The following TUBGCP3 variants were observed in gnomAD, a reference collection of about 807,000 sequenced individuals.
TUBGCP3 encodes gamma-tubulin complex component 3.
A neutral mutation model predicts 123.1 loss-of-function variants in TUBGCP3; 50 were observed. The ratio of observed to expected loss-of-function variants is 0.41; its 90% CI spans 0.32 to 0.51. The LOEUF is 0.51. Ranked by LOEUF, TUBGCP3 falls within the 20% of genes least tolerant of loss-of-function variation. The pLI, the probability that TUBGCP3 is intolerant of heterozygous loss-of-function variation, is 0.36. For missense variants in TUBGCP3, 882 were observed against 1,127.0 expected (o/e 0.78, Z 3.11); for synonymous variants, 405 against 413.9 (o/e 0.98, Z 0.26).
chr13:112,537,132 T>A (rs1878123459), intron 11 of TUBGCP3, among the ~76,000 whole-genome samples: 1 of 143,984 alleles, frequency 6.9e-6, no homozygotes, highest in South Asian at 2.1e-4. Context: ...TTTTCCTTTT[T>A]TTTTTTTTTT....
chr13:112,556,317 T>G (rs868193296), intron 5 of TUBGCP3, 93 bp from the exon 6 acceptor site: 14 of 1,189,542 alleles, frequency 1.2e-5, no homozygotes, highest in Admixed American at 2.3e-5. Flanking sequence ...CTATCGTGAA[T>G]TACATAAATT....
intron 11 of TUBGCP3, among the ~76,000 whole-genome samples, chr13:112,538,724 C>G (rs1878266346): frequency 6.6e-6 from 1 of 151,892 alleles, no homozygotes; most frequent in African/African-American, 2.4e-5. Flanking sequence ...CAATAAATTA[C>G]TATGAGATGA....
chr13:112,598,739 T>C, the TUBGCP3 span, among the ~76,000 whole-genome samples: 1 of 152,090 alleles, frequency 6.6e-6, no homozygotes, highest in Non-Finnish European at 1.5e-5. Flanking sequence ...GGTCAGGAGA[T>C]GGAGACCATC....
intron 19 of TUBGCP3, among the ~76,000 whole-genome samples, chr13:112,502,318 G>A (rs746466983): frequency 3.3e-5 from 5 of 152,202 alleles, no homozygotes; most frequent in Non-Finnish European, 7.3e-5. Flanking sequence ...ACTGCACCGT[G>A]AGACAGGCCG....
At chr13:112,542,203 A>G (rs1878577131) in intron 11 of TUBGCP3, among the ~76,000 whole-genome samples, 1 of 152,252 alleles carries the variant, frequency 6.6e-6, no homozygotes, top group Non-Finnish European at 1.5e-5. Flanking sequence ...CCACAAGATC[A>G]CTTAGACTCC....
At chr13:112,574,215 C>T (rs1381892032) in intron 1 of TUBGCP3, among the ~76,000 whole-genome samples, 1 of 143,050 alleles carries the variant, frequency 7.0e-6, no homozygotes, top group East Asian at 2.1e-4. Flanking sequence ...AGTGTGGCTT[C>T]CCCCTGCCCA....
chr13:112,558,998 G>T (rs1374297260), intron 4 of TUBGCP3, among the ~76,000 whole-genome samples: 1 of 152,100 alleles, frequency 6.6e-6, no homozygotes, highest in Non-Finnish European at 1.5e-5. Flanking sequence ...AACTCCTAAA[G>T]GGTCTTCTAG....
rs565376504 is a variant in TUBGCP3, at chr13:112,489,872, T to C, written c.2449-175A>G. The stretch of plus-strand genomic sequence containing the variant: ...CCAGACTGCTCTCCAGCTTACTTTT[T>C]CCAGTTAACAATGTGTGTTGAAAAT... On this transcript the variant is annotated intron_variant, in intron 20 of 21. Coordinates refer to ENST00000261965, the MANE Select transcript of TUBGCP3 (RefSeq NM_006322.6). 1.8e-4 allele frequency: 107 copies of C among 586,720 alleles called. 3 individuals are homozygous for C. The South Asian group carries it at 2.4e-3, about 13-fold the overall frequency. The allele number at this position is 586,720 out of a possible 1,614,324, so 36.3% of individuals were successfully genotyped here.
intron 3 of TUBGCP3, 68 bp from the exon 4 acceptor site, chr13:112,559,467 C>T: frequency 7.9e-7 from 1 of 1,258,852 alleles, no homozygotes; most frequent in Non-Finnish European, 1.1e-6. Context: ...TTTCCTCTTT[C>T]CTGAACTATA....
At position 112,524,431 on chromosome 13, in the gene TUBGCP3, G is replaced by C. The variant is rs748498517; in HGVS notation, c.1556-1922C>G. 2.0e-5 allele frequency among the ~76,000 whole-genome samples: 3 copies of C among 152,200 alleles called. No homozygotes were observed. Among genetic ancestry groups the C allele is most frequent in the Non-Finnish European group, 4.4e-5 (3 of 68,044 alleles). On this transcript the variant is annotated intron_variant, in intron 13 of 21. Coordinates refer to ENST00000261965, the MANE Select transcript of TUBGCP3 (RefSeq NM_006322.6). The surrounding 1 kb of genome is among the most constrained non-coding windows in gnomAD (Gnocchi z 4.4). ...ATGGAGAGCCTCCGGCACAGCAGGC[G>C]CATGGGGACGCCCTGTCCCAGGCAC... is the stretch of plus-strand genomic sequence containing the variant.
intron 20 of TUBGCP3, among the ~76,000 whole-genome samples, chr13:112,496,247 A>G (rs909967122): frequency 2.6e-5 from 4 of 152,240 alleles, no homozygotes; most frequent in African/African-American, 4.8e-5. Context: ...TGATATTTAT[A>G]GCGTGTGAGA....
chr13:112,544,200 TC>T (rs1190207796), intron 11 of TUBGCP3, among the ~76,000 whole-genome samples: 2 of 151,904 alleles, frequency 1.3e-5, no homozygotes, highest in African/African-American at 2.4e-5. Flanking sequence ...ACGCCTGTAA[TC>T]CCAGCACTTT....
chr13:112,549,551 T>C (rs117676968), intron 8 of TUBGCP3, among the ~76,000 whole-genome samples: 3,654 of 152,238 alleles, frequency 0.024, 61 homozygotes, highest in Non-Finnish European at 0.038. Flanking sequence ...AGGGTTAAAA[T>C]GTAATTTTCT....
intron 7 of TUBGCP3, 93 bp downstream of exon 7, chr13:112,554,794 C>T (rs1004046686): frequency 2.0e-5 from 17 of 855,540 alleles, no homozygotes; most frequent in Middle Eastern, 6.8e-4. Context: ...CGCAAAACCC[C>T]AGTACCACCT....
rs904979272 is a variant in TUBGCP3 at position 112,508,848 on chromosome 13, C to T, written c.2087-4134G>A. 4.6e-5 allele frequency among the ~76,000 whole-genome samples: 7 copies of T among 152,168 alleles called. No individual in the cohort carries two copies. The highest frequency in any genetic ancestry group is 1.9e-4 in the East Asian group (1 of 5,188). On this transcript the variant is annotated intron_variant, in intron 17 of 21. Transcript: ENST00000261965. This position sits in a 1 kb window ranked among gnomAD's most constrained non-coding sequence, Gnocchi z 4.2. ...CCTCCTGGCCTCCGTACACGCATCA[C>T]CTGGTCCTGCTGGCGCCACAGCCCA...
intron 17 of TUBGCP3, among the ~76,000 whole-genome samples, chr13:112,515,156 TAAGAG>T (rs976543658): frequency 2.5e-4 from 38 of 152,192 alleles, no homozygotes; most frequent in African/African-American, 7.7e-4. Flanking sequence ...TTCAATACAA[TAAGAG>T]AAGAGCAAAT....
intron 11 of TUBGCP3, among the ~76,000 whole-genome samples, chr13:112,537,171 A>T: frequency 7.7e-6 from 1 of 130,512 alleles, no homozygotes; most frequent in Non-Finnish European, 1.6e-5. Flanking sequence ...AACCTTGACT[A>T]ATTATCCTGG....
intron 9 of TUBGCP3, among the ~76,000 whole-genome samples, 158 bp from the exon 10 acceptor site, chr13:112,547,910 C>T (rs1034041993): frequency 7.9e-5 from 12 of 152,002 alleles, no homozygotes; most frequent in Admixed American, 5.2e-4. Flanking sequence ...TACCTTTAAC[C>T]GGTAGAACCC....
At chr13:112,551,886 G>A (rs566372598) in intron 8 of TUBGCP3, among the ~76,000 whole-genome samples, 1 of 152,284 alleles carries the variant, frequency 6.6e-6, no homozygotes, top group African/African-American at 2.4e-5. Flanking sequence ...GGTGGGATGG[G>A]GGGGCAGAGT....
Sources: allele counts gnomAD v4.1 joint callset (sites outside exome capture counted in the v4.1 genomes callset), GRCh38; gene constraint gnomAD v4.1.1; non-coding constraint Gnocchi (gnomAD v3.1); transcripts MANE v1.5; gene names NCBI Gene and HGNC (gene_info 2026-07-23, HGNC 2026-07-21).